Variants in AUTS2 observed in about 807,000 individuals in gnomAD.
The protein encoded by AUTS2 is autism susceptibility gene 2 protein.
In AUTS2, 17 loss-of-function variants were observed where a neutral mutation model predicts 112.4. The observed-to-expected ratio is 0.15, with a 90% CI of 0.10 to 0.23. AUTS2 has a LOEUF of 0.23. Ranked by LOEUF, AUTS2 falls within the 10% of genes least tolerant of loss-of-function variation. AUTS2 has a pLI of 1.00. For missense variants in AUTS2, 1,510 were observed against 1,701.6 expected, an observed-to-expected ratio of 0.89 and a Z score of 1.98; for synonymous variants, 751 against 702.7, an observed-to-expected ratio of 1.07 and a Z score of -1.09.
At chr7:70,178,371 C>T (rs1040070664) in intron 4 of AUTS2, among the ~76,000 whole-genome samples, 1 of 152,018 alleles carries the variant, frequency 6.6e-6, no homozygotes, top group Non-Finnish European at 1.5e-5. Context: ...TCTTGGTTTC[C>T]TTAGTCATTA....
chr7:70,251,366 A>G (rs1301681565), intron 4 of AUTS2, among the ~76,000 whole-genome samples: 3 of 152,138 alleles, frequency 2.0e-5, no homozygotes, highest in Non-Finnish European at 2.9e-5. Context: ...CCCGGCCAAT[A>G]TAAAATATTT....
chr7:70,127,463 CTTTGTTTTTCTTTT>C (rs1806039842), intron 3 of AUTS2, among the ~76,000 whole-genome samples: 1 of 152,086 alleles, frequency 6.6e-6, no homozygotes, highest in Admixed American at 6.6e-5. Flanking sequence ...TTTTTTCTTT[CTTTGTTTTTCTTTT>C]CCTTATGTCA....
intron 5 of AUTS2, among the ~76,000 whole-genome samples, chr7:70,691,968 C>A (rs1585515385): frequency 6.6e-6 from 1 of 151,502 alleles, no homozygotes; most frequent in East Asian, 1.9e-4. Flanking sequence ...GCAACCTCCA[C>A]CTCCCAGGTT....
chr7:70,232,758 A>T (rs910409967), intron 4 of AUTS2, among the ~76,000 whole-genome samples: 6 of 152,088 alleles, frequency 3.9e-5, no homozygotes, highest in Non-Finnish European at 5.9e-5. Flanking sequence ...AAGAGTCATT[A>T]TTTTTTCAGG....
At chr7:70,625,509 T>C (rs1804891411) in intron 5 of AUTS2, among the ~76,000 whole-genome samples, 1 of 152,244 alleles carries the variant, frequency 6.6e-6, no homozygotes, top group Non-Finnish European at 1.5e-5. Flanking sequence ...ATGTGAATAT[T>C]CTTTTACTGT....
chr7:70,070,458 A>G (rs1802705522), intron 2 of AUTS2, among the ~76,000 whole-genome samples: 1 of 151,732 alleles, frequency 6.6e-6, no homozygotes, highest in African/African-American at 2.4e-5. Flanking sequence ...GCATGCCTGT[A>G]ATTCCAGCTG....
intron 5 of AUTS2, among the ~76,000 whole-genome samples, chr7:70,519,733 G>A (rs936212608): frequency 6.6e-6 from 1 of 152,194 alleles, no homozygotes; most frequent in African/African-American, 2.4e-5. Flanking sequence ...TAGAGCAGTT[G>A]TGACTTGCCT....
At chr7:70,698,509 G>A in intron 5 of AUTS2, 60 bp from the exon 6 acceptor site, 3 of 1,367,186 alleles carry the variant, frequency 2.2e-6, no homozygotes, top group Non-Finnish European at 3.1e-6. Context: ...TGGGAATGTT[G>A]ATGGTGATGA....
chr7:70,037,772 C>T (rs1179709563), intron 2 of AUTS2, among the ~76,000 whole-genome samples: 1 of 152,074 alleles, frequency 6.6e-6, no homozygotes, highest in Non-Finnish European at 1.5e-5. Context: ...TCAGTTTTCT[C>T]ATCTGTGTAA....
chr7:69,625,795 C>G (rs1793917126), intron 1 of AUTS2, among the ~76,000 whole-genome samples: 1 of 152,048 alleles, frequency 6.6e-6, no homozygotes, highest in African/African-American at 2.4e-5. Flanking sequence ...GAGATTGAAG[C>G]TGCAGTAAGC....
At position 69,727,641 on chromosome 7, in the gene AUTS2, C is replaced by T. The variant is rs115301981; in HGVS notation, c.309+127679C>T. 6.6e-3 allele frequency among the ~76,000 whole-genome samples: 1,002 copies of T among 152,114 alleles called. 12 individuals carry two copies. Among genetic ancestry groups the T allele is most frequent in the African/African-American group, 0.023 (949 of 41,488 alleles). ...ATCAGTTGCTTGTTTATGTCTATTT[C>T]TGTTTAGGTCTATTTCTGGACTCTG... On this transcript the variant is annotated intron_variant, in intron 1 of 18. Coordinates refer to ENST00000342771, the MANE Select transcript of AUTS2 (RefSeq NM_015570.4).
intron 2 of AUTS2, among the ~76,000 whole-genome samples, chr7:69,961,448 T>G (rs191534912): frequency 2.6e-3 from 398 of 152,288 alleles, no homozygotes; most frequent in Admixed American, 5.0e-3. Flanking sequence ...AGTGTACCTA[T>G]TCTTAGGAAC....
chr7:70,668,152 G>A (rs546694897), intron 5 of AUTS2, among the ~76,000 whole-genome samples: 2 of 152,192 alleles, frequency 1.3e-5, no homozygotes, highest in South Asian at 4.1e-4. Flanking sequence ...ACTAATTTTT[G>A]TACTTTTAGT....
At chr7:70,179,892 A>G (rs1160294744) in intron 4 of AUTS2, among the ~76,000 whole-genome samples, 1 of 152,184 alleles carries the variant, frequency 6.6e-6, no homozygotes, top group African/African-American at 2.4e-5. Context: ...TGGATGTTCA[A>G]CATAAGCCTT....
At chr7:70,420,264 TCTGAAAGTCC>T (rs1375675953) in intron 4 of AUTS2, among the ~76,000 whole-genome samples, 2 of 152,238 alleles carry the variant, frequency 1.3e-5, no homozygotes, top group African/African-American at 4.8e-5. Flanking sequence ...GGTTTTTTGC[TCTGAAAGTCC>T]CATTGGTTTA....
intron 1 of AUTS2, among the ~76,000 whole-genome samples, chr7:69,744,057 A>G (rs1787379664): frequency 6.6e-6 from 1 of 152,074 alleles, no homozygotes; most frequent in Admixed American, 6.6e-5. Flanking sequence ...CAGCCTCTCA[A>G]AGTACTGGGA....
chr7:69,947,266 T>G (rs970864687), intron 2 of AUTS2, among the ~76,000 whole-genome samples: 3 of 152,148 alleles, frequency 2.0e-5, no homozygotes, highest in Admixed American at 1.3e-4. Flanking sequence ...CTTTGGCAGT[T>G]CAGTGCTTGC....
At chr7:70,427,789 C>T (rs991118235) in intron 4 of AUTS2, among the ~76,000 whole-genome samples, 1 of 152,164 alleles carries the variant, frequency 6.6e-6, no homozygotes, top group Non-Finnish European at 1.5e-5. Flanking sequence ...TTAGCCCCCT[C>T]AGATCACATT....
intron 4 of AUTS2, among the ~76,000 whole-genome samples, chr7:70,424,044 T>G (rs1374478715): frequency 6.6e-6 from 1 of 152,188 alleles, no homozygotes; most frequent in Non-Finnish European, 1.5e-5. Flanking sequence ...CTGAACTGAT[T>G]TAATTCTCAC....
Sources: allele counts gnomAD v4.1 joint callset (sites outside exome capture counted in the v4.1 genomes callset), GRCh38; gene constraint gnomAD v4.1.1; transcripts MANE v1.5; gene names NCBI Gene and HGNC (gene_info 2026-07-23, HGNC 2026-07-21).